Variants in CDON observed in about 807,000 individuals in gnomAD.
CDON encodes the protein cell adhesion molecule-related/down-regulated by oncogenes.
In CDON, 73 loss-of-function variants were observed where a neutral mutation model predicts 120.9. The observed-to-expected ratio is 0.60, with a 90% CI of 0.50 to 0.73. The LOEUF (loss-of-function observed/expected upper bound fraction) is 0.73, where lower values mean the gene tolerates loss of function less well. Among genes scored for constraint, CDON ranks in the 30% least tolerant of loss-of-function variants. The probability of loss-of-function intolerance (pLI) is 0.00; values close to 1 mark genes in which losing one functional copy is unlikely to be tolerated. For missense variants in CDON, 1,470 were observed against 1,587.3 expected, an observed-to-expected ratio of 0.93 and a Z score of 1.26; for synonymous variants, 566 against 573.5, an observed-to-expected ratio of 0.99 and a Z score of 0.19.
chr11:125,994,890 T>C lies in CDON; in HGVS notation c.2525A>G (p.Gln842Arg). The C allele has an allele frequency of 6.2e-7, 1 of 1,614,064 alleles. No individual in the cohort carries two copies. The highest frequency in any genetic ancestry group is 8.5e-7 in the Non-Finnish European group (1 of 1,179,932). ...ACTGACCGTCCACTTTAGCATGATC[T>C]GAGTATCGCTGACAGCCTCTGTGTA... ...IAYTEAVSDT[Q>R]IMLKWTYIPS... Residue 842 changes from glutamine (Q) to arginine (R), a missense_variant, in exon 13 of 20, where the codon CAG becomes CGG. Physicochemically the swap from Gln to Arg is conservative, Grantham distance 43. Transcript: ENST00000531738.
rs529084192 is a variant in CDON, at chr11:126,062,816, C to A, written c.-299G>T. ...GGTCCCGGGTCTCCTCGCACCTAGC[C>A]GCGCGAGCCGGGCTCCCGGGCTCAG... On this transcript the variant is annotated 5_prime_UTR_variant, in exon 1 of 20. Coordinates refer to ENST00000531738, the MANE Select transcript of CDON (RefSeq NM_001378964.1). 6.6e-6 allele frequency: 1 copy of A among 151,694 alleles called. No homozygotes were observed. The highest frequency in any genetic ancestry group is 2.0e-4 in the East Asian group (1 of 5,082). 9.4% of individuals were successfully genotyped at this position (151,694 alleles called of 1,614,324 possible). A position where few individuals can be genotyped will look rare whatever the true frequency, so the allele number is the denominator to read the frequency against.
Position 125,997,321 on chromosome 11 carries a change from G to C in CDON, c.2248C>G (p.Pro750Ala), listed in dbSNP as rs749742672. The C allele has an allele frequency of 3.1e-6, 5 of 1,613,904 alleles. No homozygotes were observed. Among genetic ancestry groups the C allele is most frequent in the Admixed American group, 1.7e-5 (1 of 60,010 alleles). ...TWIPRANGGS[P>A]ITAFKVEYKR... is the part of the protein sequence containing the mutation. ...TATTCGACTTTGAAGGCAGTGATTG[G>C]AGAACCCCCGTTTGCCCGAGGAATC... The change falls in exon 12 of 20, where the codon CCA becomes GCA. Residue 750 changes from proline (P) to alanine (A), a missense_variant. Pro to Ala is a conservative substitution (Grantham distance 27, BLOSUM62 -1). Coordinates refer to ENST00000531738, the MANE Select transcript of CDON (RefSeq NM_001378964.1).
At chr11:126,041,492 T>C (rs1948261701) in intron 1 of CDON, among the ~76,000 whole-genome samples, 2 of 152,210 alleles carry the variant, frequency 1.3e-5, no homozygotes, top group South Asian at 4.1e-4. Flanking sequence ...TGTCAGGTTT[T>C]TACTGAACAT....
Position 126,015,489 on chromosome 11 carries a change from C to T in CDON, c.950G>A (p.Gly317Glu). 6.2e-7 allele frequency: 1 copy of T among 1,614,006 alleles called. No individual in the cohort carries two copies. Among genetic ancestry groups the T allele is most frequent in the Non-Finnish European group, 8.5e-7 (1 of 1,179,962 alleles). Residue 317 changes from glycine (G) to glutamate (E), a missense_variant, in exon 7 of 20, where the codon GGA becomes GAA. Coordinates refer to ENST00000531738, the MANE Select transcript of CDON (RefSeq NM_001378964.1). ...NVLEHASISK[G>E]LQDQIVSLGA... Reference sequence around the variant, plus strand: ...CAGAGACACTATCTGATCCTGTAGTCCTTTAGAAATGGAAGCATGTTCTGA... The same window carrying T: ...CAGAGACACTATCTGATCCTGTAGTTCTTTAGAAATGGAAGCATGTTCTGA...
intron 7 of CDON, among the ~76,000 whole-genome samples, chr11:126,011,142 C>T (rs755556912): frequency 3.9e-5 from 6 of 151,932 alleles, no homozygotes; most frequent in Admixed American, 6.6e-5. Flanking sequence ...TTATAAAAAG[C>T]GTGGGAGAAA....
intron 10 of CDON, 131 bp from the exon 11 acceptor site, chr11:126,001,981 G>C: frequency 1.4e-6 from 1 of 713,892 alleles, no homozygotes; most frequent in South Asian, 1.6e-5. Context: ...GCATCTAAAT[G>C]TAAGACCTAC....
intron 18 of CDON, among the ~76,000 whole-genome samples, chr11:125,971,122 G>T (rs688059): frequency 6.6e-6 from 1 of 152,092 alleles, no homozygotes; most frequent in South Asian, 2.1e-4. Context: ...GGTGGCTCAC[G>T]CCTGTAATCC....
chr11:126,014,197 C>A (rs1262698253), intron 7 of CDON, among the ~76,000 whole-genome samples: 1 of 151,960 alleles, frequency 6.6e-6, no homozygotes, highest in African/African-American at 2.4e-5. Flanking sequence ...ATTTCCCTAA[C>A]AGATAAAGAA....
Position 126,023,544 on chromosome 11 carries a change from A to C in CDON, c.-61-7T>G. 2 of 1,125,620 alleles carry C rather than the reference A, an allele frequency of 1.8e-6. No homozygotes were observed. The highest frequency in any genetic ancestry group is 2.7e-6 in the Non-Finnish European group (2 of 735,834). The allele number at this position is 1,125,620 out of a possible 1,614,324, so 69.7% of individuals were successfully genotyped here. On this transcript the variant is annotated splice_polypyrimidine_tract_variant and splice_region_variant and intron_variant, in intron 1 of 19. Coordinates refer to ENST00000531738, the MANE Select transcript of CDON (RefSeq NM_001378964.1). ...AAACCCAGTCCTTGGTTCACTAAAA[A>C]AGAAAAAGGAAAGAAAATCTAAACC...
intron 10 of CDON, 69 bp downstream of exon 10, chr11:126,003,833 T>A (rs558729774): frequency 7.0e-7 from 1 of 1,426,158 alleles, no homozygotes; most frequent in East Asian, 2.3e-5. Context: ...AAAAATAAAT[T>A]AATAATTCTC....
intron 1 of CDON, among the ~76,000 whole-genome samples, chr11:126,038,446 G>T (rs1388235739): frequency 6.6e-6 from 1 of 152,156 alleles, no homozygotes; most frequent in Non-Finnish European, 1.5e-5. Flanking sequence ...GAGGTCAGGA[G>T]TTCGAGACCA....
chr11:125,971,060 G>A (rs1311993154), intron 18 of CDON, among the ~76,000 whole-genome samples: 1 of 151,906 alleles, frequency 6.6e-6, no homozygotes, highest in African/African-American at 2.4e-5. Flanking sequence ...AAACCAACTG[G>A]GTAGATCAAA....
intron 1 of CDON, 100 bp from the exon 2 acceptor site, chr11:126,023,637 G>C: frequency 1.5e-6 from 1 of 687,612 alleles, no homozygotes; most frequent in Non-Finnish European, 2.6e-6. Flanking sequence ...TGAAAGCTCT[G>C]TGTAGAGTAC....
At chr11:125,964,930 T>C (rs1945750438) in intron 18 of CDON, among the ~76,000 whole-genome samples, 1 of 152,212 alleles carries the variant, frequency 6.6e-6, no homozygotes, top group Non-Finnish European at 1.5e-5. Context: ...AATAATTCTT[T>C]TTTTGTTTGT....
rs985051649 is a variant in CDON, at chr11:125,984,948, G to A, written c.2774-855C>T. 3.9e-5 allele frequency among the ~76,000 whole-genome samples: 6 copies of A among 152,070 alleles called. No homozygotes were observed. In the East Asian group the frequency reaches 7.7e-4, roughly 20 times the overall value. On this transcript the variant is annotated intron_variant, in intron 15 of 19. Coordinates refer to ENST00000531738, the MANE Select transcript of CDON (RefSeq NM_001378964.1). ...CCGTGTAGGTGCAGTACTTTTACCCGGTTCATCGGTGTTCTGGGTAATAGC... is the reference window on the plus strand; with the variant it reads ...CCGTGTAGGTGCAGTACTTTTACCCAGTTCATCGGTGTTCTGGGTAATAGC...
rs1947271649 is a variant in CDON at position 126,010,621 on chromosome 11, C to T, written c.1272G>A (p.Leu424=). 1 of 1,614,154 alleles carries T rather than the reference C, an allele frequency of 6.2e-7. No homozygotes were observed. The highest frequency in any genetic ancestry group is 8.5e-7 in the Non-Finnish European group (1 of 1,180,024). The change falls in exon 8 of 20, where the codon CTG becomes CTA. Residue 424 remains leucine (L), a synonymous_variant. Coordinates refer to ENST00000531738, the MANE Select transcript of CDON (RefSeq NM_001378964.1). ...AKVADGDFVT[L]SCNASGLPVP... is the part of the protein sequence containing the mutation. ...CCGGCAGCCCACTGGCATTGCAGGA[C>T]AGAGTAACAAAGTCTCCGTCTGCAA...
intron 7 of CDON, among the ~76,000 whole-genome samples, chr11:126,013,393 A>G (rs1277263559): frequency 6.6e-6 from 1 of 152,138 alleles, no homozygotes; most frequent in Admixed American, 6.5e-5. Flanking sequence ...GAAATGGTCT[A>G]TCACTTCGAA....
intron 1 of CDON, among the ~76,000 whole-genome samples, chr11:126,056,253 A>G (rs1054404831): frequency 3.3e-5 from 5 of 152,228 alleles, no homozygotes; most frequent in African/African-American, 4.8e-5. Flanking sequence ...CTTCTGAAAC[A>G]TAATCTGCAT....
rs112986438 is a variant in CDON, at chr11:126,051,017, A to AT, written c.-62+11561dup. Among the ~76,000 whole-genome samples the AT allele has an allele frequency of 3.9e-3, 579 of 149,832 alleles. 7 individuals carry two copies. The highest frequency in any genetic ancestry group is 0.011 in the African/African-American group (457 of 41,074). On this transcript the variant is annotated intron_variant, in intron 1 of 19. Transcript: ENST00000531738. ...TGGGGACTTCGCCTACTCGATGTAA[A>AT]TTTTTTTTTTTCCAGAAAACTCACA...
Sources: gnomAD v4.1 joint callset for allele counts (sites outside exome capture counted in the v4.1 genomes callset) on GRCh38, gnomAD v4.1.1 for gene constraint, MANE v1.5 for transcripts, NCBI Gene and HGNC (gene_info 2026-07-23, HGNC 2026-07-21) for gene names.